POFUT3: variants seen among roughly 807,000 people sequenced by gnomAD.
POFUT3 encodes the protein GDP-fucose protein O-fucosyltransferase 3.
At chr8:33,453,704 AG>A in the POFUT3 span, among the ~76,000 whole-genome samples, 1 of 152,070 alleles carries the variant, frequency 6.6e-6, no homozygotes, top group Non-Finnish European at 1.5e-5. Flanking sequence ...GTGCGTCGTC[AG>A]GGGGGCAAGG....
chr8:33,323,973 A>C, the POFUT3 span, among the ~76,000 whole-genome samples: 1 of 152,128 alleles, frequency 6.6e-6, no homozygotes, highest in Non-Finnish European at 1.5e-5. Context: ...TTTCTTGCTC[A>C]CCTAAGAGCC....
chr8:33,461,815 A>C, the POFUT3 span: 1 of 451,092 alleles, frequency 2.2e-6, no homozygotes, highest in Non-Finnish European at 3.8e-6. Context: ...TAGACATTTT[A>C]AACTAAAAGG....
the POFUT3 span, among the ~76,000 whole-genome samples, chr8:33,362,825 G>C: frequency 6.6e-6 from 1 of 152,144 alleles, no homozygotes; most frequent in Admixed American, 6.6e-5. Context: ...AATAATGGGA[G>C]AGTGTAACAC....
At chr8:33,449,109 C>A in the POFUT3 span, among the ~76,000 whole-genome samples, 1 of 152,076 alleles carries the variant, frequency 6.6e-6, no homozygotes, top group Non-Finnish European at 1.5e-5. Flanking sequence ...AACGCCATAG[C>A]TGCCTTATTT....
chr8:33,358,109 C>T, the POFUT3 span, among the ~76,000 whole-genome samples: 1 of 152,024 alleles, frequency 6.6e-6, no homozygotes, highest in Non-Finnish European at 1.5e-5. Context: ...AAAAATTAGC[C>T]AGGTGTTGTG....
chr8:33,404,902 A>C, the POFUT3 span, among the ~76,000 whole-genome samples: 1 of 152,156 alleles, frequency 6.6e-6, no homozygotes, highest in Non-Finnish European at 1.5e-5. Flanking sequence ...ACAACAACAA[A>C]AAAAGAAGCA....
the POFUT3 span, among the ~76,000 whole-genome samples, chr8:33,334,792 T>C: frequency 6.6e-6 from 1 of 152,224 alleles, no homozygotes. Flanking sequence ...TGGCATTGTC[T>C]TTCCAGAAAG....
chr8:33,362,236 C>T, the POFUT3 span, among the ~76,000 whole-genome samples: 1 of 152,072 alleles, frequency 6.6e-6, no homozygotes, highest in Non-Finnish European at 1.5e-5. Context: ...TTTGTCACCA[C>T]CAGGCCTGCC....
At chr8:33,371,886 AG>A in the POFUT3 span, 1 of 152,306 alleles carries the variant, frequency 6.6e-6, no homozygotes, top group South Asian at 2.1e-4. Context: ...GCGCAGCAGA[AG>A]GGGTAAGTGG....
the POFUT3 span, among the ~76,000 whole-genome samples, chr8:33,324,925 G>T: frequency 6.6e-6 from 1 of 152,108 alleles, no homozygotes; most frequent in African/African-American, 2.4e-5. Flanking sequence ...CTTCTGAGCT[G>T]CACAGTTGCA....
chr8:33,461,726 C>T, the POFUT3 span: 1 of 1,294,572 alleles, frequency 7.7e-7, no homozygotes, highest in Non-Finnish European at 1.0e-6. Context: ...CAAAAAAATT[C>T]TGCAACAAAA....
At chr8:33,317,866 C>T in the POFUT3 span, among the ~76,000 whole-genome samples, 1 of 152,086 alleles carries the variant, frequency 6.6e-6, no homozygotes, top group African/African-American at 2.4e-5. Context: ...CCATCAGGGC[C>T]CCAGGCATTT....
chr8:33,468,042 C>A, the POFUT3 span, among the ~76,000 whole-genome samples: 2 of 152,038 alleles, frequency 1.3e-5, no homozygotes, highest in African/African-American at 2.4e-5. Context: ...GAGTTTGAGA[C>A]CAGCCTGGAC....
At chr8:33,343,148 C>A in the POFUT3 span, among the ~76,000 whole-genome samples, 1 of 151,798 alleles carries the variant, frequency 6.6e-6, no homozygotes, top group East Asian at 1.9e-4. Context: ...CTTACTTTCA[C>A]GCAAAAACCT....
the POFUT3 span, among the ~76,000 whole-genome samples, chr8:33,424,226 G>A: frequency 1.3e-5 from 2 of 152,096 alleles, no homozygotes; most frequent in African/African-American, 4.8e-5. Flanking sequence ...TATGATTTGG[G>A]CAAATTACTG....
chr8:33,362,893 C>T, the POFUT3 span, among the ~76,000 whole-genome samples: 9 of 152,072 alleles, frequency 5.9e-5, no homozygotes, highest in Admixed American at 5.9e-4. Context: ...ATATCCAGGA[C>T]TTGAATTCAG....
the POFUT3 span, among the ~76,000 whole-genome samples, chr8:33,435,255 T>C: frequency 6.6e-6 from 1 of 151,718 alleles, no homozygotes; most frequent in East Asian, 1.9e-4. Context: ...TCTTGCTCTG[T>C]CACCCAGGCT....
chr8:33,386,674 G>A, the POFUT3 span, among the ~76,000 whole-genome samples: 5 of 152,186 alleles, frequency 3.3e-5, no homozygotes, highest in East Asian at 9.7e-4. Flanking sequence ...GCCAGGCGTG[G>A]TGGCGGGTGC....
chr8:33,467,831 G>T, the POFUT3 span, among the ~76,000 whole-genome samples: 1 of 152,164 alleles, frequency 6.6e-6, no homozygotes, highest in African/African-American at 2.4e-5. Context: ...GGCCATTCAG[G>T]CCAGTTGAAG....
Sources: gnomAD v4.1 joint callset for allele counts (sites outside exome capture counted in the v4.1 genomes callset) on GRCh38, gnomAD v4.1.1 for gene constraint, MANE v1.5 for transcripts, NCBI Gene and HGNC (gene_info 2026-07-23, HGNC 2026-07-21) for gene names.